CDK10: variants seen among roughly 807,000 people sequenced by gnomAD.
CDK10 encodes cyclin dependent kinase 10.
CDK10 carries 55 observed loss-of-function variants against 51.0 expected under a neutral mutation model. That is an observed-to-expected ratio of 1.08 (90% confidence interval 0.87 to 1.35). The LOEUF is 1.35. Among genes scored for constraint, CDK10 ranks in the 40% most tolerant of loss-of-function variants. The pLI, the probability that CDK10 is intolerant of heterozygous loss-of-function variation, is 0.00. For synonymous variants in CDK10, 255 were observed against 199.1 expected (o/e 1.28, Z -2.36); for missense variants, 589 against 485.1 (o/e 1.21, Z -2.01).
In CDK10 at chr16:89,690,339, G is replaced by C. The variant is rs374856862; in HGVS notation, c.161-214G>C. 3.3e-5 allele frequency: 19 copies of C among 580,880 alleles called. No individual in the cohort carries two copies. In the South Asian group the frequency reaches 3.6e-4, roughly 11 times the overall value. The allele number at this position is 580,880 out of a possible 1,614,324, so 36.0% of individuals were successfully genotyped here. A position where few individuals can be genotyped will look rare whatever the true frequency, so the allele number is the denominator to read the frequency against. On this transcript the variant is annotated intron_variant, in intron 2 of 12. Coordinates refer to ENST00000353379, the MANE Select transcript of CDK10 (RefSeq NM_052988.5). ...AGGGTCCAGCACAGAGCAAAGTTGG[G>C]CACCCCCTGCCCAGTTCAAATGAGG...
At position 89,694,697 on chromosome 16, in the gene CDK10, C is replaced by A; in HGVS notation, c.701C>A (p.Ala234Glu). 1.3e-6 allele frequency: 2 copies of A among 1,588,178 alleles called. No individual in the cohort carries two copies. The highest frequency in any genetic ancestry group is 1.1e-5 in the South Asian group (1 of 87,034). Residue 234 changes from alanine to glutamate, a missense_variant, in exon 10 of 13, where the codon GCG becomes GAG. By Grantham distance (107) the Ala-to-Glu change is moderately radical. Transcript: ENST00000353379. ...GGCTGCATACTGGCCGAGCTGCTGGCGCACAGGCCTCTTCTCCCCGGCACT... is the reference window on the plus strand; with the variant it reads ...GGCTGCATACTGGCCGAGCTGCTGGAGCACAGGCCTCTTCTCCCCGGCACT... ...AVGCILAELL[A>E]HRPLLPGTSE...
intron 1 of CDK10, among the ~76,000 whole-genome samples, chr16:89,688,387 G>C (rs1052144393): frequency 6.6e-6 from 1 of 152,088 alleles, no homozygotes; most frequent in African/African-American, 2.4e-5. Context: ...CGGCTTACAT[G>C]TGCTTCTTAG....
rs752216859 is a variant in CDK10, at chr16:89,691,791, T to C, written c.336-15T>C. 1 of 1,613,004 alleles carries C rather than the reference T, an allele frequency of 6.2e-7. No individual in the cohort carries two copies. On this transcript the variant is annotated splice_polypyrimidine_tract_variant and intron_variant, in intron 4 of 12. Transcript: ENST00000353379. Reference sequence around the variant, plus strand: ...AGAAGGCCGGAGAGTGGCATGCATCTTCTGTTTCTTCCAGCATCTTCCTGG... The same window carrying C: ...AGAAGGCCGGAGAGTGGCATGCATCCTCTGTTTCTTCCAGCATCTTCCTGG...
At chr16:89,688,628 A>G (rs1050519985) in intron 1 of CDK10, among the ~76,000 whole-genome samples, 1 of 152,208 alleles carries the variant, frequency 6.6e-6, no homozygotes, top group Non-Finnish European at 1.5e-5. Flanking sequence ...TTCCAAGGCC[A>G]GATGCCACTG....
intron 6 of CDK10, 26 bp from the exon 7 acceptor site, chr16:89,693,248 C>T: frequency 2.5e-6 from 4 of 1,613,534 alleles, no homozygotes; most frequent in Non-Finnish European, 3.4e-6. Context: ...CTCTGGGAGC[C>T]ACCTGCCACT....
At chr16:89,688,077 C>CTT (rs35911494) in intron 1 of CDK10, among the ~76,000 whole-genome samples, 138 of 75,406 alleles carry the variant, frequency 1.8e-3, no homozygotes, top group Middle Eastern at 7.5e-3. Flanking sequence ...GCTACGTGTG[C>CTT]TTTTTTTTTT....
At chr16:89,689,572 G>A in intron 2 of CDK10, 1 of 487,050 alleles carries the variant, frequency 2.1e-6, no homozygotes, top group South Asian at 2.5e-5. Flanking sequence ...AGAGTACACA[G>A]AACTGTTAGA....
chr16:89,689,032 G>A (rs529806893), intron 1 of CDK10, among the ~76,000 whole-genome samples: 133 of 152,266 alleles, frequency 8.7e-4, no homozygotes, highest in African/African-American at 3.0e-3. Flanking sequence ...CCCAGGAGGC[G>A]GAGGTTGCAG....
chr16:89,691,706 C>T (rs1254245491), intron 4 of CDK10, 100 bp from the exon 5 acceptor site: 3 of 1,309,198 alleles, frequency 2.3e-6, no homozygotes, highest in East Asian at 4.6e-5. Flanking sequence ...GAGGGGGACA[C>T]AGGTTGTCCT....
Position 89,693,466 on chromosome 16 carries a change from T to C in CDK10, c.607T>C (p.Trp203Arg). ...AATGACCCCCAAGGTGGTCACTCTCTGGTAAGTCCTTCTGAAGCATGGTGG... is the reference window on the plus strand; with the variant it reads ...AATGACCCCCAAGGTGGTCACTCTCCGGTAAGTCCTTCTGAAGCATGGTGG... ...KPMTPKVVTL[W>R]YRAPELLLGT... The change falls in exon 8 of 13, where the codon TGG becomes CGG. Residue 203 changes from tryptophan (W) to arginine (R), a missense_variant and splice_region_variant. Coordinates refer to ENST00000353379, the MANE Select transcript of CDK10 (RefSeq NM_052988.5). 1 of 1,614,042 alleles carries C rather than the reference T, an allele frequency of 6.2e-7. No homozygotes were observed. Among genetic ancestry groups the C allele is most frequent in the Non-Finnish European group, 8.5e-7 (1 of 1,179,986 alleles).
At chr16:89,693,735 C>G in intron 8 of CDK10, 1 of 569,650 alleles carries the variant, frequency 1.8e-6, no homozygotes, top group Non-Finnish European at 3.1e-6. Context: ...GGCCGTGAAA[C>G]CATCTCTGGA....
chr16:89,692,694 G>T, intron 6 of CDK10, 178 bp downstream of exon 6: 1 of 462,546 alleles, frequency 2.2e-6, no homozygotes, highest in Admixed American at 4.2e-5. Context: ...GCCCAGGCTG[G>T]TCTCACACAC....
At chr16:89,688,877 G>T (rs1044789034) in intron 1 of CDK10, among the ~76,000 whole-genome samples, 8 of 152,208 alleles carry the variant, frequency 5.3e-5, no homozygotes, top group African/African-American at 1.9e-4. Context: ...AAGGCGGGCA[G>T]ATCACTTGAG....
At chr16:89,688,138 G>C (rs558786414) in intron 1 of CDK10, among the ~76,000 whole-genome samples, 8 of 139,858 alleles carry the variant, frequency 5.7e-5, no homozygotes, top group Non-Finnish European at 9.0e-5. Flanking sequence ...CTGGAGTGCA[G>C]TGGCGCAGTC....
At chr16:89,689,223 T>G in intron 1 of CDK10, 29 bp from the exon 2 acceptor site, 11 of 1,611,338 alleles carry the variant, frequency 6.8e-6, no homozygotes, top group Non-Finnish European at 9.3e-6. Flanking sequence ...CTGCCAAATT[T>G]CCACACTGGC....
At chr16:89,693,793 C>T (rs2060565704) in intron 8 of CDK10, 1 of 543,410 alleles carries the variant, frequency 1.8e-6, no homozygotes, top group East Asian at 3.2e-5. Context: ...GCATGCTTTC[C>T]CTGGTTCTTC....
Position 89,690,569 on chromosome 16 carries a change from C to T in CDK10, c.177C>T (p.Thr59=). 1 of 1,614,066 alleles carries T rather than the reference C, an allele frequency of 6.2e-7. No homozygotes were observed. The highest frequency in any genetic ancestry group is 1.7e-4 in the Middle Eastern group (1 of 6,060). Residue 59 remains threonine (T), a synonymous_variant, in exon 3 of 13, where the codon ACC becomes ACT. Transcript: ENST00000353379. ...TYGIVYRARD[T]QTDEIVALKK... ...CCATTCCAGATCGGGCCCGGGACAC[C>T]CAGACAGATGAGATTGTCGCACTGA...
intron 3 of CDK10, 27 bp downstream of exon 3, chr16:89,690,651 C>A (rs2060403816): frequency 1.3e-6 from 2 of 1,584,324 alleles, no homozygotes. Flanking sequence ...GGTGTTGGGA[C>A]CTCGCACTGG....
Position 89,696,030 on chromosome 16 carries a change from G to C in CDK10, c.*338G>C. On this transcript the variant is annotated 3_prime_UTR_variant, in exon 13 of 13. Transcript: ENST00000353379. ...GAGGAGTGGTGGGTGCAGTCCCCCCGCTGTCTTTGAGTTGTGGTGGACGCT... is the reference window on the plus strand; with the variant it reads ...GAGGAGTGGTGGGTGCAGTCCCCCCCCTGTCTTTGAGTTGTGGTGGACGCT... The C allele has an allele frequency of 1.7e-6, 1 of 585,162 alleles. No individual in the cohort carries two copies. Among genetic ancestry groups the C allele is most frequent in the Non-Finnish European group, 3.1e-6 (1 of 326,590 alleles). The allele number at this position is 585,162 out of a possible 1,614,324, so 36.2% of individuals were successfully genotyped here. A position where few individuals can be genotyped will look rare whatever the true frequency, so the allele number is the denominator to read the frequency against.
Sources: gnomAD v4.1 joint callset for allele counts (sites outside exome capture counted in the v4.1 genomes callset) on GRCh38, gnomAD v4.1.1 for gene constraint, MANE v1.5 for transcripts, NCBI Gene and HGNC (gene_info 2026-07-23, HGNC 2026-07-21) for gene names.